The following DLGAP1 variants were observed in gnomAD, a reference collection of about 807,000 sequenced individuals.
The protein encoded by DLGAP1 is disks large-associated protein 1.
In DLGAP1, 11 loss-of-function variants were observed where a neutral mutation model predicts 90.8. The observed-to-expected ratio is 0.12, with a 90% CI of 0.08 to 0.20. The LOEUF is 0.20. DLGAP1 is among the 10% of genes least tolerant of loss of function. The pLI is 1.00. For missense variants in DLGAP1, 1,050 were observed against 1,333.8 expected (o/e 0.79, Z 3.31); for synonymous variants, 558 against 540.7 (o/e 1.03, Z -0.44).
At position 4,071,158 on chromosome 18, in the gene DLGAP1, TTTGAC is replaced by T. The variant is rs1765943893; in HGVS notation, c.-158-65962_-158-65958del. Among the ~76,000 whole-genome samples, 3 of 152,272 alleles carry T rather than the reference TTTGAC, an allele frequency of 2.0e-5. No homozygotes were observed. In the South Asian group the frequency reaches 6.2e-4, roughly 32 times the overall value. On this transcript the variant is annotated intron_variant, in intron 2 of 12. Coordinates refer to ENST00000315677, the MANE Select transcript of DLGAP1 (RefSeq NM_004746.4). ...TAATTCTATAACTATGAAATAAATA[TTTGAC>T]TTATTTCCTTAGAATTGATTTTTAG...
At chr18:3,582,440 C>A (rs1027759492) in intron 7 of DLGAP1, among the ~76,000 whole-genome samples, 192 bp from the exon 8 acceptor site, 7 of 152,058 alleles carry the variant, frequency 4.6e-5, no homozygotes, top group African/African-American at 1.4e-4. Flanking sequence ...GTGACACCTC[C>A]ACAAAACTGA....
chr18:4,235,766 C>T (rs2078399747), intron 1 of DLGAP1, among the ~76,000 whole-genome samples: 2 of 116,844 alleles, frequency 1.7e-5, no homozygotes, highest in South Asian at 2.8e-4. Flanking sequence ...CACTCTGTTG[C>T]CCATGCTGGA....
At chr18:3,952,827 G>T (rs1472769953) in intron 3 of DLGAP1, among the ~76,000 whole-genome samples, 1 of 152,166 alleles carries the variant, frequency 6.6e-6, no homozygotes, top group African/African-American at 2.4e-5. Context: ...GCAGGAGAGA[G>T]TTTACAATAA....
intron 3 of DLGAP1, among the ~76,000 whole-genome samples, chr18:3,967,651 G>A (rs754550992): frequency 4.6e-5 from 7 of 152,174 alleles, no homozygotes; most frequent in Non-Finnish European, 1.0e-4. Flanking sequence ...AAGAGAAAGT[G>A]TAAAACAGAT....
chr18:3,671,262 G>A (rs117404917), intron 7 of DLGAP1, among the ~76,000 whole-genome samples: 3,008 of 150,582 alleles, frequency 0.02, 42 homozygotes, highest in Middle Eastern at 0.059. Flanking sequence ...TGATCACACA[G>A]CTCATGGTTG....
At chr18:4,443,028 A>G (rs8098171) in intron 1 of DLGAP1, among the ~76,000 whole-genome samples, 6,304 of 152,300 alleles carry the variant, frequency 0.041, 405 homozygotes, top group African/African-American at 0.14. Context: ...ATTCTCCAAT[A>G]GCGGACATCT....
chr18:4,325,771 C>T (rs1598904382), intron 1 of DLGAP1, among the ~76,000 whole-genome samples: 1 of 151,564 alleles, frequency 6.6e-6, no homozygotes, highest in South Asian at 2.1e-4. Context: ...GGGAAAAGAT[C>T]CTCCATTCAA....
intron 1 of DLGAP1, among the ~76,000 whole-genome samples, chr18:4,327,246 G>C (rs1030125435): frequency 1.3e-5 from 2 of 151,972 alleles, no homozygotes; most frequent in African/African-American, 4.8e-5. Context: ...GATAGTATGT[G>C]AGGTAATGGA....
chr18:3,518,079 C>T lies in DLGAP1; in HGVS notation c.2480-9418G>A, dbSNP rs149844318. Among the ~76,000 whole-genome samples, 92 of 152,312 alleles carry T rather than the reference C, an allele frequency of 6.0e-4. No homozygotes were observed. In the Middle Eastern group the frequency reaches 0.01, roughly 17 times the overall value. On this transcript the variant is annotated intron_variant, in intron 10 of 12. Coordinates refer to ENST00000315677, the MANE Select transcript of DLGAP1 (RefSeq NM_004746.4). Reference sequence around the variant, plus strand: ...CTGGCTTATTTTGACTTTTGACATGCCTTCCTAACTAAGCTTAATCATTTA... The same window carrying T: ...CTGGCTTATTTTGACTTTTGACATGTCTTCCTAACTAAGCTTAATCATTTA...
intron 1 of DLGAP1, among the ~76,000 whole-genome samples, chr18:4,163,142 A>G (rs969887342): frequency 2.0e-5 from 3 of 152,208 alleles, no homozygotes; most frequent in Non-Finnish European, 4.4e-5. Flanking sequence ...TTACAAATTC[A>G]TAACCACTCA....
chr18:3,974,017 TG>T (rs1282682708), intron 3 of DLGAP1, among the ~76,000 whole-genome samples: 1 of 152,134 alleles, frequency 6.6e-6, no homozygotes, highest in Non-Finnish European at 1.5e-5. Context: ...TGTAACACCG[TG>T]GGAAGTATTT....
chr18:3,852,240 C>T (rs956001788), intron 4 of DLGAP1, among the ~76,000 whole-genome samples: 1 of 152,094 alleles, frequency 6.6e-6, no homozygotes, highest in Non-Finnish European at 1.5e-5. Flanking sequence ...AACCCAAAGA[C>T]ACATCCCAGA....
intron 9 of DLGAP1, among the ~76,000 whole-genome samples, chr18:3,564,856 C>T (rs1275315857): frequency 6.6e-6 from 1 of 152,184 alleles, no homozygotes; most frequent in Non-Finnish European, 1.5e-5. Flanking sequence ...TGTGACCTCC[C>T]TTCTCTAAGA....
intron 2 of DLGAP1, among the ~76,000 whole-genome samples, chr18:4,010,536 A>C (rs1450868413): frequency 6.6e-6 from 1 of 152,144 alleles, no homozygotes; most frequent in Non-Finnish European, 1.5e-5. Flanking sequence ...TGACAGTGAG[A>C]CTCTGTCTAA....
At chr18:3,802,260 G>C (rs1192479348) in intron 5 of DLGAP1, among the ~76,000 whole-genome samples, 5 of 147,446 alleles carry the variant, frequency 3.4e-5, no homozygotes, top group Admixed American at 6.8e-5. Flanking sequence ...TGGGATTACA[G>C]GCATGAGCCA....
intron 1 of DLGAP1, among the ~76,000 whole-genome samples, chr18:4,353,546 G>T (rs2081443113): frequency 6.6e-6 from 1 of 152,070 alleles, no homozygotes. Flanking sequence ...AAAGCTTTCT[G>T]CAGCCTTCTG....
chr18:4,013,877 C>A (rs1041505949), intron 2 of DLGAP1: 2 of 152,062 alleles, frequency 1.3e-5, no homozygotes, highest in Non-Finnish European at 1.5e-5. Context: ...ACAGTCATAA[C>A]GAACATATTT....
intron 1 of DLGAP1, among the ~76,000 whole-genome samples, chr18:4,170,783 C>T (rs772726607): frequency 6.6e-6 from 1 of 151,978 alleles, no homozygotes; most frequent in Non-Finnish European, 1.5e-5. Flanking sequence ...TATTGTCTTC[C>T]ACAACAAAGG....
At chr18:4,441,813 AATTT>A (rs1375997330) in intron 1 of DLGAP1, among the ~76,000 whole-genome samples, 2 of 152,162 alleles carry the variant, frequency 1.3e-5, no homozygotes, top group African/African-American at 4.8e-5. Context: ...GCAATACAAC[AATTT>A]ATTTGATTTC....
Sources: allele counts gnomAD v4.1 joint callset (sites outside exome capture counted in the v4.1 genomes callset), GRCh38; gene constraint gnomAD v4.1.1; transcripts MANE v1.5; gene names NCBI Gene and HGNC (gene_info 2026-07-23, HGNC 2026-07-21).